The following MSR1 variants were observed in gnomAD, a reference collection of about 807,000 sequenced individuals.
MSR1 encodes the protein macrophage scavenger receptor 1.
A neutral mutation model predicts 47.2 loss-of-function variants in MSR1; 53 were observed. The ratio of observed to expected loss-of-function variants is 1.12; its 90% CI spans 0.90 to 1.41. The LOEUF is 1.41. MSR1 is among the 40% of genes most tolerant of loss of function. The pLI, the probability that MSR1 is intolerant of heterozygous loss-of-function variation, is 0.00. For synonymous variants in MSR1, 239 were observed against 185.6 expected (o/e 1.29, Z -2.34); for missense variants, 786 against 546.9 (o/e 1.44, Z -4.36).
At chr8:16,121,208 T>A in intron 8 of MSR1, 1 of 404,940 alleles carries the variant, frequency 2.5e-6, no homozygotes, top group Non-Finnish European at 4.9e-6. Flanking sequence ...GTGTTTTTCC[T>A]CTTTAGAAAA....
At chr8:16,139,678 C>G in intron 8 of MSR1, 3 of 963,126 alleles carry the variant, frequency 3.1e-6, no homozygotes, top group Non-Finnish European at 3.7e-6. Context: ...CCAGGTAATA[C>G]ATGAAAAGTT....
chr8:16,188,183 G>A (rs546498911), intron 1 of MSR1, among the ~76,000 whole-genome samples: 2 of 152,156 alleles, frequency 1.3e-5, no homozygotes, highest in South Asian at 4.2e-4. Context: ...TTTATCAAGT[G>A]GATGAAAAGT....
intron 8 of MSR1, among the ~76,000 whole-genome samples, chr8:16,125,344 T>C (rs1242919064): frequency 1.3e-5 from 2 of 152,194 alleles, no homozygotes; most frequent in Non-Finnish European, 2.9e-5. Context: ...GTTTAATTAA[T>C]TTATTAATTT....
intron 8 of MSR1, among the ~76,000 whole-genome samples, chr8:16,128,260 G>A (rs932651272): frequency 6.6e-6 from 1 of 152,008 alleles, no homozygotes; most frequent in Non-Finnish European, 1.5e-5. Flanking sequence ...GAATTGTGTC[G>A]CTCCAATATT....
At chr8:16,186,099 G>C in intron 1 of MSR1, 1 of 1,355,178 alleles carries the variant, frequency 7.4e-7, no homozygotes, top group Non-Finnish European at 1.0e-6. Context: ...AAGATTGGCA[G>C]TAATAAATGT....
At chr8:16,111,595 G>A (rs1379249198) in intron 9 of MSR1, among the ~76,000 whole-genome samples, 2 of 152,138 alleles carry the variant, frequency 1.3e-5, no homozygotes, top group East Asian at 3.9e-4. Flanking sequence ...TTATTTAGTT[G>A]ACTAATGTGC....
chr8:16,175,424 T>G, intron 2 of MSR1, 124 bp from the exon 3 acceptor site: 1 of 850,742 alleles, frequency 1.2e-6, no homozygotes, highest in Non-Finnish European at 1.9e-6. Context: ...GAAGAAAAAA[T>G]GTTCCACATC....
At chr8:16,187,713 T>C (rs1802044101) in intron 1 of MSR1, among the ~76,000 whole-genome samples, 1 of 152,156 alleles carries the variant, frequency 6.6e-6, no homozygotes, top group African/African-American at 2.4e-5. Context: ...TCTTAGGTTA[T>C]GCCTCAAGAA....
intron 8 of MSR1, among the ~76,000 whole-genome samples, chr8:16,138,934 A>G (rs572970101): frequency 2.5e-4 from 38 of 152,266 alleles, no homozygotes; most frequent in Non-Finnish European, 4.4e-4. Flanking sequence ...GAATTTTCTC[A>G]TCAGCATTGT....
At chr8:16,140,798 G>T in intron 8 of MSR1, 1 of 1,498,054 alleles carries the variant, frequency 6.7e-7, no homozygotes, top group Non-Finnish European at 8.9e-7. Context: ...GTAAGAAGAG[G>T]TATGAGCATG....
chr8:16,175,130 G>T, intron 3 of MSR1, 57 bp downstream of exon 3: 1 of 1,376,474 alleles, frequency 7.3e-7, no homozygotes, highest in Non-Finnish European at 1.0e-6. Flanking sequence ...TTTTTGCTTT[G>T]GCAATGAATA....
intron 5 of MSR1, among the ~76,000 whole-genome samples, chr8:16,160,711 C>G (rs1045256569): frequency 6.6e-6 from 1 of 151,904 alleles, no homozygotes; most frequent in Non-Finnish European, 1.5e-5. Context: ...TAGAGAAGAA[C>G]CTTTCAAGAG....
intron 8 of MSR1, chr8:16,141,168 G>A: frequency 9.2e-7 from 1 of 1,086,484 alleles, no homozygotes; most frequent in African/African-American, 1.6e-5. Context: ...ATTAACTACA[G>A]ATGTGGGGAA....
At chr8:16,115,751 G>A (rs904459568) in intron 9 of MSR1, among the ~76,000 whole-genome samples, 4 of 152,084 alleles carry the variant, frequency 2.6e-5, no homozygotes, top group African/African-American at 9.7e-5. Flanking sequence ...GCTGAGGCAG[G>A]AGGATTGCTT....
chr8:16,175,436 T>C (rs1801618428), intron 2 of MSR1, 136 bp from the exon 3 acceptor site: 2 of 789,000 alleles, frequency 2.5e-6, no homozygotes, highest in Non-Finnish European at 4.1e-6. Context: ...TTCCACATCT[T>C]TGCAGTAGAA....
chr8:16,132,046 G>A (rs928722557), intron 8 of MSR1, among the ~76,000 whole-genome samples: 3 of 151,780 alleles, frequency 2.0e-5, no homozygotes, highest in Non-Finnish European at 4.4e-5. Flanking sequence ...TAGTTTGAGA[G>A]GAATAGCATT....
At chr8:16,161,280 T>A (rs1801156060) in intron 5 of MSR1, among the ~76,000 whole-genome samples, 1 of 151,768 alleles carries the variant, frequency 6.6e-6, no homozygotes. Context: ...AGTGAGCAGG[T>A]AGTTGGAAAA....
chr8:16,155,682 G>A (rs1422965824), intron 5 of MSR1, among the ~76,000 whole-genome samples: 1 of 151,850 alleles, frequency 6.6e-6, no homozygotes, highest in African/African-American at 2.4e-5. Context: ...GGTGATGGTT[G>A]AAGTCTTCAT....
intron 3 of MSR1, among the ~76,000 whole-genome samples, chr8:16,174,468 A>T (rs1293015412): frequency 6.6e-6 from 1 of 152,184 alleles, no homozygotes; most frequent in Non-Finnish European, 1.5e-5. Context: ...CGGTGTATAC[A>T]AGCTATCTAC....
Sources: gnomAD v4.1 joint callset for allele counts (sites outside exome capture counted in the v4.1 genomes callset) on GRCh38, gnomAD v4.1.1 for gene constraint, MANE v1.5 for transcripts, NCBI Gene and HGNC (gene_info 2026-07-23, HGNC 2026-07-21) for gene names.